The following EXOC4 variants were observed in gnomAD, a reference collection of about 807,000 sequenced individuals.
EXOC4 encodes SEC8-like 1.
In EXOC4, 71 loss-of-function variants were observed where a neutral mutation model predicts 107.2. That is an observed-to-expected ratio of 0.66 (90% CI 0.55 to 0.81). The LOEUF (loss-of-function observed/expected upper bound fraction) is 0.81, where lower values mean the gene tolerates loss of function less well. Among genes scored for constraint, EXOC4 ranks in the 30% least tolerant of loss-of-function variants. The probability of loss-of-function intolerance (pLI) is 0.00; values close to 1 mark genes in which losing one functional copy is unlikely to be tolerated. For synonymous variants in EXOC4, 456 were observed against 441.2 expected (o/e 1.03, Z -0.42); for missense variants, 1,108 against 1,189.6 (o/e 0.93, Z 1.01).
chr7:134,001,883 A>C (rs1794538364), intron 15 of EXOC4, among the ~76,000 whole-genome samples: 1 of 152,238 alleles, frequency 6.6e-6, no homozygotes, highest in Admixed American at 6.5e-5. Flanking sequence ...TCCTGCATTT[A>C]TAGTCTCATG....
intron 9 of EXOC4, among the ~76,000 whole-genome samples, chr7:133,606,495 G>GTTT (rs1397606533): frequency 4.7e-5 from 7 of 149,084 alleles, no homozygotes; most frequent in Non-Finnish European, 1.0e-4. Context: ...CTTTGCTGCT[G>GTTT]TTTATTATTA....
chr7:133,941,249 G>A (rs1023143402), intron 14 of EXOC4, among the ~76,000 whole-genome samples: 7 of 151,784 alleles, frequency 4.6e-5, no homozygotes, highest in Non-Finnish European at 7.4e-5. Flanking sequence ...CGCCCGCCTC[G>A]GCCTCCCAAA....
At chr7:133,362,792 G>T (rs1796163370) in intron 6 of EXOC4, among the ~76,000 whole-genome samples, 1 of 152,170 alleles carries the variant, frequency 6.6e-6, no homozygotes, top group African/African-American at 2.4e-5. Flanking sequence ...ATTCAGGCAT[G>T]AGTTTCTATT....
chr7:134,008,161 C>T (rs1368674777), intron 17 of EXOC4, among the ~76,000 whole-genome samples: 1 of 152,004 alleles, frequency 6.6e-6, no homozygotes, highest in Admixed American at 6.6e-5. Flanking sequence ...GAATATAAAC[C>T]TTTGATCTAG....
intron 1 of EXOC4, among the ~76,000 whole-genome samples, chr7:133,259,718 A>G (rs866490201): frequency 6.6e-6 from 1 of 152,242 alleles, no homozygotes; most frequent in African/African-American, 2.4e-5. Context: ...AGTTATTATC[A>G]TTGATATTAG....
intron 13 of EXOC4, among the ~76,000 whole-genome samples, chr7:133,925,307 T>C (rs903911141): frequency 6.6e-6 from 1 of 152,174 alleles, no homozygotes; most frequent in African/African-American, 2.4e-5. Flanking sequence ...AGAGGAAAAA[T>C]AGGTCACGCA....
the EXOC4 span, among the ~76,000 whole-genome samples, chr7:134,087,196 T>A: frequency 1.3e-5 from 2 of 152,066 alleles, no homozygotes; most frequent in Non-Finnish European, 2.9e-5. Context: ...CTCTGACATT[T>A]CCCCCCTCCC....
At chr7:133,375,499 C>T (rs1563041479) in intron 7 of EXOC4, among the ~76,000 whole-genome samples, 1 of 147,384 alleles carries the variant, frequency 6.8e-6, no homozygotes, top group Non-Finnish European at 1.5e-5. Context: ...TAACAGACTT[C>T]TTTTTTTTTT....
At chr7:133,584,628 G>A (rs1053703385) in intron 9 of EXOC4, among the ~76,000 whole-genome samples, 1 of 129,586 alleles carries the variant, frequency 7.7e-6, no homozygotes, top group African/African-American at 2.8e-5. Flanking sequence ...GCCCAGGCTG[G>A]AGTGCAGTGG....
At chr7:133,469,233 C>T (rs1256420531) in intron 7 of EXOC4, among the ~76,000 whole-genome samples, 4 of 151,964 alleles carry the variant, frequency 2.6e-5, no homozygotes, top group African/African-American at 9.7e-5. Context: ...CTGGCTAACA[C>T]GGTGAAACCC....
At chr7:133,714,726 G>T (rs1288168542) in intron 10 of EXOC4, among the ~76,000 whole-genome samples, 1 of 152,156 alleles carries the variant, frequency 6.6e-6, no homozygotes, top group Non-Finnish European at 1.5e-5. Context: ...ATGTGCGTAG[G>T]TTACATGCCA....
intron 10 of EXOC4, among the ~76,000 whole-genome samples, chr7:133,749,956 T>G (rs1032751319): frequency 1.7e-4 from 7 of 40,630 alleles, no homozygotes; most frequent in Non-Finnish European, 3.7e-4. Flanking sequence ...TGGTTGGCAG[T>G]TTTTTTTTTT....
chr7:133,858,241 G>C (rs569526334), intron 11 of EXOC4, among the ~76,000 whole-genome samples: 1 of 152,300 alleles, frequency 6.6e-6, no homozygotes, highest in East Asian at 1.9e-4. Flanking sequence ...AGGCAGGGAA[G>C]AGTTTTATTG....
At chr7:133,591,189 C>T (rs1470650837) in intron 9 of EXOC4, among the ~76,000 whole-genome samples, 3 of 143,764 alleles carry the variant, frequency 2.1e-5, no homozygotes, top group African/African-American at 2.6e-5. Flanking sequence ...TACCACCACA[C>T]CTGGCTAATT....
downstream of EXOC4, among the ~76,000 whole-genome samples, chr7:134,070,030 T>A (rs963060419): frequency 2.1e-5 from 3 of 146,094 alleles, no homozygotes; most frequent in Non-Finnish European, 3.0e-5. Context: ...ACAAGGAGAG[T>A]CCTGGTCAAC....
intron 9 of EXOC4, among the ~76,000 whole-genome samples, chr7:133,613,122 A>G (rs1012432974): frequency 6.6e-6 from 1 of 152,204 alleles, no homozygotes; most frequent in African/African-American, 2.4e-5. Context: ...GAATGCACAA[A>G]CTATATATTG....
At chr7:133,351,116 T>G (rs1367330727) in intron 5 of EXOC4, among the ~76,000 whole-genome samples, 1 of 152,020 alleles carries the variant, frequency 6.6e-6, no homozygotes, top group Non-Finnish European at 1.5e-5. Flanking sequence ...AGTTTGTTAG[T>G]GTTTTGTTGA....
chr7:133,591,547 GGTGTGT>G (rs199675433), intron 9 of EXOC4, among the ~76,000 whole-genome samples: 18 of 59,240 alleles, frequency 3.0e-4, no homozygotes, highest in Middle Eastern at 7.4e-3. Context: ...TTAAAGATCT[GGTGTGT>G]GTGTGTGTGT....
At chr7:133,299,732 C>T (rs561697853) in intron 3 of EXOC4, among the ~76,000 whole-genome samples, 1 of 152,268 alleles carries the variant, frequency 6.6e-6, no homozygotes, top group Admixed American at 6.5e-5. Flanking sequence ...GCAGGCCCCC[C>T]TCCCTTCATT....
Sources: gnomAD v4.1 joint callset for allele counts (sites outside exome capture counted in the v4.1 genomes callset) on GRCh38, gnomAD v4.1.1 for gene constraint, MANE v1.5 for transcripts, NCBI Gene and HGNC (gene_info 2026-07-23, HGNC 2026-07-21) for gene names.